Variants in FSTL5 observed in about 807,000 individuals in gnomAD.
FSTL5 encodes the protein follistatin like 5.
In FSTL5, 62 loss-of-function variants were observed where a neutral mutation model predicts 89.1. That is an observed-to-expected ratio of 0.70 (90% CI 0.57 to 0.86). The LOEUF (loss-of-function observed/expected upper bound fraction) is 0.86, where lower values mean the gene tolerates loss of function less well. Among genes scored for constraint, FSTL5 ranks in the 40% least tolerant of loss-of-function variants. The pLI, the probability that FSTL5 is intolerant of heterozygous loss-of-function variation, is 0.00. For synonymous variants in FSTL5, 383 were observed against 346.2 expected, an observed-to-expected ratio of 1.11 and a Z score of -1.18; for missense variants, 1,057 against 1,001.6, an observed-to-expected ratio of 1.06 and a Z score of -0.75.
chr4:161,455,463 G>T (rs954066263), intron 14 of FSTL5, among the ~76,000 whole-genome samples: 1 of 152,022 alleles, frequency 6.6e-6, no homozygotes, highest in African/African-American at 2.4e-5. Context: ...AAACATACAA[G>T]TAATGTGTGA....
rs1181076659 is a variant in FSTL5, at chr4:162,126,648, G to T, written c.-16-15236C>A. Among the ~76,000 whole-genome samples, 4 of 151,780 alleles carry T rather than the reference G, an allele frequency of 2.6e-5. No individual in the cohort carries two copies. In the East Asian group the frequency reaches 7.7e-4, roughly 29 times the overall value. On this transcript the variant is annotated intron_variant, in intron 1 of 15. Transcript: ENST00000306100. ...TAAATGTCTATAGATTTTTTGTCAAGATTTTACATCATTTTGTCTTTTAAA... is the reference window on the plus strand; with the variant it reads ...TAAATGTCTATAGATTTTTTGTCAATATTTTACATCATTTTGTCTTTTAAA...
chr4:161,523,459 A>G (rs374580525), intron 10 of FSTL5, among the ~76,000 whole-genome samples: 44 of 152,352 alleles, frequency 2.9e-4, no homozygotes, highest in African/African-American at 9.9e-4. Context: ...ATAATTTAAT[A>G]GGCCTAAGAG....
chr4:161,966,777 G>A (rs1735339085), intron 3 of FSTL5, among the ~76,000 whole-genome samples: 1 of 151,948 alleles, frequency 6.6e-6, no homozygotes, highest in South Asian at 2.1e-4. Flanking sequence ...ACAAATTTCT[G>A]TTGTTTAAGT....
At chr4:161,446,384 T>C (rs1732947108) in intron 15 of FSTL5, among the ~76,000 whole-genome samples, 1 of 152,094 alleles carries the variant, frequency 6.6e-6, no homozygotes, top group Admixed American at 6.6e-5. Flanking sequence ...TATTGCTTTG[T>C]TAAGCCACAG....
At chr4:161,880,033 T>C (rs542709530) in intron 4 of FSTL5, among the ~76,000 whole-genome samples, 80 of 152,298 alleles carry the variant, frequency 5.3e-4, no homozygotes, top group African/African-American at 1.9e-3. Flanking sequence ...TCAAGATGCT[T>C]AGTCACATCA....
At chr4:161,992,489 G>A (rs1736139844) in intron 3 of FSTL5, among the ~76,000 whole-genome samples, 1 of 151,924 alleles carries the variant, frequency 6.6e-6, no homozygotes, top group Non-Finnish European at 1.5e-5. Context: ...AATTGAGAAG[G>A]GAAAGACAGG....
intron 4 of FSTL5, among the ~76,000 whole-genome samples, chr4:161,826,006 T>A (rs1448572873): frequency 6.6e-6 from 1 of 152,164 alleles, no homozygotes; most frequent in Non-Finnish European, 1.5e-5. Flanking sequence ...CTTTTTGATG[T>A]ATGCATTTAA....
intron 4 of FSTL5, among the ~76,000 whole-genome samples, chr4:161,784,480 A>G (rs559229436): frequency 2.1e-3 from 322 of 152,280 alleles, no homozygotes; most frequent in African/African-American, 7.5e-3. Flanking sequence ...ATGTGATTCT[A>G]TTAAGAACAA....
intron 6 of FSTL5, among the ~76,000 whole-genome samples, chr4:161,749,470 G>A (rs772306499): frequency 3.3e-5 from 5 of 152,170 alleles, no homozygotes; most frequent in Non-Finnish European, 7.3e-5. Context: ...ATTTATAAGT[G>A]AGAGCTAAAC....
At chr4:161,692,155 C>T (rs1260672004) in intron 6 of FSTL5, among the ~76,000 whole-genome samples, 1 of 151,690 alleles carries the variant, frequency 6.6e-6, no homozygotes, top group Non-Finnish European at 1.5e-5. Flanking sequence ...TGTCTCTTTT[C>T]TGACATTAGG....
intron 4 of FSTL5, among the ~76,000 whole-genome samples, chr4:161,876,041 C>T (rs1430489813): frequency 6.6e-6 from 1 of 151,776 alleles, no homozygotes. Context: ...AGTATAACAA[C>T]ACTCATAAAG....
intron 4 of FSTL5, among the ~76,000 whole-genome samples, chr4:161,788,039 C>T (rs1372162655): frequency 6.6e-6 from 1 of 152,136 alleles, no homozygotes; most frequent in Non-Finnish European, 1.5e-5. Flanking sequence ...TGTGCATAAA[C>T]AGCAGAGGAT....
intron 1 of FSTL5, among the ~76,000 whole-genome samples, chr4:162,124,474 A>T (rs1209665973): frequency 6.6e-6 from 1 of 152,142 alleles, no homozygotes; most frequent in East Asian, 1.9e-4. Context: ...TTGGGCCCAG[A>T]TTGATAGTGA....
At chr4:161,524,137 C>T (rs1731125797) in intron 10 of FSTL5, among the ~76,000 whole-genome samples, 1 of 152,132 alleles carries the variant, frequency 6.6e-6, no homozygotes, top group African/African-American at 2.4e-5. Flanking sequence ...TAGCTAAAAG[C>T]TTCATCTACA....
At chr4:162,143,735 CA>C (rs1561043078) in intron 1 of FSTL5, among the ~76,000 whole-genome samples, 47 of 134,776 alleles carry the variant, frequency 3.5e-4, no homozygotes, top group African/African-American at 1.2e-3. Context: ...CACACACACA[CA>C]CACACACACA....
intron 15 of FSTL5, among the ~76,000 whole-genome samples, chr4:161,422,224 A>G (rs1373713238): frequency 6.6e-6 from 1 of 152,072 alleles, no homozygotes; most frequent in African/African-American, 2.4e-5. Flanking sequence ...TTTTATTAAT[A>G]TCTATAAATT....
chr4:161,781,405 G>GT (rs1741661582), intron 4 of FSTL5, among the ~76,000 whole-genome samples: 1 of 151,906 alleles, frequency 6.6e-6, no homozygotes, highest in Non-Finnish European at 1.5e-5. Context: ...ATTGTATTGT[G>GT]TTTTTTGAAC....
rs546792664 is a variant in FSTL5, at chr4:161,664,438, G to A, written c.728-7944C>T. ...AAGTTTCACAAATCTCTAGGGCAGG[G>A]TCAAAATGCTGCCAGTCTCTTTGCT... On this transcript the variant is annotated intron_variant, in intron 6 of 15. Transcript: ENST00000306100. Among the ~76,000 whole-genome samples, 96 of 152,244 alleles carry A rather than the reference G, an allele frequency of 6.3e-4. 1 individual carries two copies. Among genetic ancestry groups the A allele is most frequent in the Admixed American group, 1.9e-3 (29 of 15,286 alleles).
intron 4 of FSTL5, among the ~76,000 whole-genome samples, chr4:161,879,657 A>G (rs902256579): frequency 6.6e-6 from 1 of 152,186 alleles, no homozygotes; most frequent in Non-Finnish European, 1.5e-5. Context: ...AACCTTTTCA[A>G]GCTCTCTGCC....
Sources: gnomAD v4.1 joint callset for allele counts (sites outside exome capture counted in the v4.1 genomes callset) on GRCh38, gnomAD v4.1.1 for gene constraint, MANE v1.5 for transcripts, NCBI Gene and HGNC (gene_info 2026-07-23, HGNC 2026-07-21) for gene names.